The following NME7 variants were observed in gnomAD, a reference collection of about 807,000 sequenced individuals.
The protein encoded by NME7 is NME/NM23 family member 7.
Under a neutral mutation model 49.1 loss-of-function variants are expected in NME7, and 41 were observed. The observed-to-expected ratio is 0.83, with a 90% CI of 0.65 to 1.08. NME7 has a LOEUF of 1.08. NME7 is among the 50% of genes least tolerant of loss of function. The probability of loss-of-function intolerance (pLI) is 0.00; values close to 1 mark genes in which losing one functional copy is unlikely to be tolerated. For synonymous variants in NME7, 139 were observed against 150.6 expected, an observed-to-expected ratio of 0.92 and a Z score of 0.56; for missense variants, 423 against 463.4, an observed-to-expected ratio of 0.91 and a Z score of 0.80.
intron 3 of NME7, among the ~76,000 whole-genome samples, chr1:169,317,624 A>T (rs1651697828): frequency 6.6e-6 from 1 of 152,200 alleles, no homozygotes; most frequent in Non-Finnish European, 1.5e-5. Flanking sequence ...GTCCTAGGAC[A>T]ATATACAAAG....
In NME7 at chr1:169,167,732, C is replaced by T. The variant is rs184830070; in HGVS notation, c.1098+1715G>A. ...GATGTTACTTAACCTCTCTGAGTCT[C>T]AATTTCAGTTTCCTAAAAAAACAGA... On this transcript the variant is annotated intron_variant, in intron 11 of 11. Transcript: ENST00000367811. Among the ~76,000 whole-genome samples the T allele has an allele frequency of 2.0e-5, 3 of 152,272 alleles. No homozygotes were observed. In the East Asian group the frequency reaches 5.8e-4, roughly 29 times the overall value.
At chr1:169,247,829 G>A (rs1558005988) in intron 7 of NME7, among the ~76,000 whole-genome samples, 1 of 151,994 alleles carries the variant, frequency 6.6e-6, no homozygotes, top group African/African-American at 2.4e-5. Context: ...TTATTTTTAT[G>A]GCTGAGTAGT....
intron 3 of NME7, among the ~76,000 whole-genome samples, chr1:169,319,182 C>A (rs967143038): frequency 6.6e-6 from 1 of 151,950 alleles, no homozygotes; most frequent in Non-Finnish European, 1.5e-5. Context: ...TTGTTTCAAA[C>A]TTGATATAGC....
Position 169,354,769 on chromosome 1 carries a change from T to TTA in NME7, c.3+12937_3+12938dup, listed in dbSNP as rs199517087. Among the ~76,000 whole-genome samples the TTA allele has an allele frequency of 1.2e-3, 165 of 140,116 alleles. 2 individuals are homozygous for TTA. Among genetic ancestry groups the TTA allele is most frequent in the Middle Eastern group, 7.7e-3 (2 of 260 alleles). The allele number at this position is 140,116 out of a possible 152,430, so 91.9% of individuals were successfully genotyped here. ...TATACTATGGGTGTGTATATATGTT[T>TTA]TATATATATATATGTGTGTGCACAT... On this transcript the variant is annotated intron_variant, in intron 1 of 11. Transcript: ENST00000367811.
chr1:169,197,973 G>A (rs927262688), intron 10 of NME7, among the ~76,000 whole-genome samples: 1 of 151,980 alleles, frequency 6.6e-6, no homozygotes, highest in African/African-American at 2.4e-5. Flanking sequence ...TCTCTGATAA[G>A]GGACTTTTAT....
chr1:169,314,085 T>C (rs1016820398), intron 3 of NME7, among the ~76,000 whole-genome samples: 8 of 152,038 alleles, frequency 5.3e-5, no homozygotes, highest in African/African-American at 1.9e-4. Context: ...GAGTTTTCTA[T>C]TAGTAAACAC....
intron 11 of NME7, among the ~76,000 whole-genome samples, chr1:169,139,512 A>G (rs1658530455): frequency 6.6e-6 from 1 of 152,246 alleles, no homozygotes; most frequent in African/African-American, 2.4e-5. Flanking sequence ...ACCTTGAGCA[A>G]GTTACTTAAC....
chr1:169,256,144 T>C (rs1358407964), intron 7 of NME7, among the ~76,000 whole-genome samples: 1 of 133,428 alleles, frequency 7.5e-6, no homozygotes, highest in African/African-American at 2.5e-5. Context: ...TCCTGGATAA[T>C]ATCCTACAGA....
intron 10 of NME7, among the ~76,000 whole-genome samples, chr1:169,189,863 T>C (rs1487511559): frequency 6.6e-6 from 1 of 152,206 alleles, no homozygotes; most frequent in Admixed American, 6.5e-5. Flanking sequence ...TGATAAATGC[T>C]GTTCATTGCA....
At chr1:169,316,229 C>G (rs189676739) in intron 3 of NME7, among the ~76,000 whole-genome samples, 2 of 151,400 alleles carry the variant, frequency 1.3e-5, no homozygotes, top group East Asian at 3.9e-4. Context: ...GGCAAAAAAA[C>G]TGAATGTCCA....
At chr1:169,253,668 T>C in intron 7 of NME7, among the ~76,000 whole-genome samples, 1 of 152,212 alleles carries the variant, frequency 6.6e-6, no homozygotes, top group Non-Finnish European at 1.5e-5. Context: ...CTTCTAGTTT[T>C]TGCCCATTCA....
chr1:169,362,765 T>C (rs1196285186), intron 1 of NME7, among the ~76,000 whole-genome samples: 3 of 152,190 alleles, frequency 2.0e-5, no homozygotes, highest in East Asian at 3.8e-4. Context: ...AAATGATTGA[T>C]GGCAAATATG....
Position 169,260,475 on chromosome 1 carries a change from G to A in NME7, c.755-22788C>T, listed in dbSNP as rs1478139239. Among the ~76,000 whole-genome samples the A allele has an allele frequency of 1.5e-5, 2 of 132,214 alleles. 1 individual carries two copies. Among genetic ancestry groups the A allele is most frequent in the East Asian group, 4.0e-4 (2 of 5,026 alleles). 86.7% of individuals were successfully genotyped at this position (132,214 alleles called of 152,430 possible). On this transcript the variant is annotated intron_variant, in intron 7 of 11. Coordinates refer to ENST00000367811, the MANE Select transcript of NME7 (RefSeq NM_013330.5). ...TTCAAGTCTTATAAAATGAGATCAT[G>A]CTACTTTGGGTTTTCATGTTTTAAA...
At chr1:169,222,199 C>G (rs1034770972) in intron 10 of NME7, among the ~76,000 whole-genome samples, 4 of 152,152 alleles carry the variant, frequency 2.6e-5, no homozygotes, top group Admixed American at 2.6e-4. Context: ...ACTATGTATT[C>G]TATTTTTTAT....
intron 11 of NME7, among the ~76,000 whole-genome samples, chr1:169,159,717 C>T (rs752120473): frequency 6.6e-6 from 1 of 152,198 alleles, no homozygotes; most frequent in Non-Finnish European, 1.5e-5. Context: ...GGATAAGAAT[C>T]TCTGGCCAGG....
At position 169,354,838 on chromosome 1, in the gene NME7, A is replaced by T. The variant is rs574319143; in HGVS notation, c.3+12870T>A. 1.9e-3 allele frequency among the ~76,000 whole-genome samples: 251 copies of T among 134,950 alleles called. 4 individuals carry two copies. The highest frequency in any genetic ancestry group is 6.7e-3 in the African/African-American group (244 of 36,610). 88.5% of individuals were successfully genotyped at this position (134,950 alleles called of 152,430 possible). On this transcript the variant is annotated intron_variant, in intron 1 of 11. Transcript: ENST00000367811. Reference sequence around the variant, plus strand: ...ATATAATATATATAATACATAATAGATATATTATATTATATAATAGATATA... The same window carrying T: ...ATATAATATATATAATACATAATAGTTATATTATATTATATAATAGATATA...
At chr1:169,237,529 C>A (rs1647906405) in intron 8 of NME7, 94 bp downstream of exon 8, 1 of 835,300 alleles carries the variant, frequency 1.2e-6, no homozygotes, top group South Asian at 1.8e-5. Context: ...TAATGTGGTT[C>A]ATGAGTACAC....
At chr1:169,336,229 C>T (rs1173350276) in intron 1 of NME7, among the ~76,000 whole-genome samples, 2 of 151,896 alleles carry the variant, frequency 1.3e-5, no homozygotes, top group Non-Finnish European at 2.9e-5. Context: ...TGCAGATCTT[C>T]ACGGTGAGTG....
intron 1 of NME7, among the ~76,000 whole-genome samples, chr1:169,347,031 A>AT (rs1244988682): frequency 6.6e-6 from 1 of 152,096 alleles, no homozygotes; most frequent in Non-Finnish European, 1.5e-5. Flanking sequence ...AAAAATAAAA[A>AT]ATATATATAA....
Sources: allele counts gnomAD v4.1 joint callset (sites outside exome capture counted in the v4.1 genomes callset), GRCh38; gene constraint gnomAD v4.1.1; transcripts MANE v1.5; gene names NCBI Gene and HGNC (gene_info 2026-07-23, HGNC 2026-07-21).